BLTP3B: variants seen among roughly 807,000 people sequenced by gnomAD.
BLTP3B encodes the protein bridge-like lipid transfer protein family member 3B.
At chr12:100,081,786 T>TGTACCACAGTGGTACACAGTG in the BLTP3B span, among the ~76,000 whole-genome samples, 2 of 152,232 alleles carry the variant, frequency 1.3e-5, no homozygotes, top group Non-Finnish European at 2.9e-5. Flanking sequence ...GCGGTGTATA[T>TGTACCACAGTGGTACACAGTG]GTACCACAGT....
the BLTP3B span, among the ~76,000 whole-genome samples, chr12:100,046,549 G>A: frequency 1.3e-5 from 2 of 150,830 alleles, no homozygotes; most frequent in Non-Finnish European, 3.0e-5. Context: ...CCACAGTGAG[G>A]GGAACATCAT....
At chr12:100,046,758 A>T in the BLTP3B span, among the ~76,000 whole-genome samples, 11,127 of 152,204 alleles carry the variant, frequency 0.073, 438 homozygotes, top group South Asian at 0.091. Flanking sequence ...CACTATAAAG[A>T]AGACAGTTGA....
At chr12:100,059,616 TTC>T in the BLTP3B span, 1 of 1,415,400 alleles carries the variant, frequency 7.1e-7, no homozygotes, top group East Asian at 2.4e-5. Flanking sequence ...AGCTCAGAAA[TTC>T]TTTTTCTTGA....
chr12:100,086,332 C>T, the BLTP3B span: 24 of 1,585,744 alleles, frequency 1.5e-5, no homozygotes, highest in Non-Finnish European at 2.1e-5. Flanking sequence ...AGTTGCATTG[C>T]CCCTCCAGTA....
At chr12:100,079,583 T>A in the BLTP3B span, among the ~76,000 whole-genome samples, 1 of 152,194 alleles carries the variant, frequency 6.6e-6, no homozygotes, top group South Asian at 2.1e-4. Flanking sequence ...AAGGAGAGTA[T>A]AAAAGTTCAA....
chr12:100,121,087 C>T, the BLTP3B span, among the ~76,000 whole-genome samples: 1 of 152,170 alleles, frequency 6.6e-6, no homozygotes, highest in East Asian at 1.9e-4. Context: ...GTGGCACACG[C>T]CTGTAATCCC....
the BLTP3B span, among the ~76,000 whole-genome samples, chr12:100,094,930 A>G: frequency 6.6e-6 from 1 of 152,238 alleles, no homozygotes; most frequent in African/African-American, 2.4e-5. Context: ...TCTGAGATGT[A>G]TAACACTGTT....
At chr12:100,124,392 C>T in the BLTP3B span, among the ~76,000 whole-genome samples, 1 of 151,402 alleles carries the variant, frequency 6.6e-6, no homozygotes, top group East Asian at 1.9e-4. Context: ...CTGCTTGACA[C>T]CAGGAGTTTG....
At chr12:100,086,995 C>T in the BLTP3B span, among the ~76,000 whole-genome samples, 3 of 151,838 alleles carry the variant, frequency 2.0e-5, no homozygotes, top group African/African-American at 7.3e-5. Flanking sequence ...TCCGTCTCTA[C>T]TAAAAATACA....
chr12:100,112,481 T>G, the BLTP3B span, among the ~76,000 whole-genome samples: 3 of 151,344 alleles, frequency 2.0e-5, no homozygotes, highest in African/African-American at 7.3e-5. Flanking sequence ...CACTCCAGCC[T>G]GGGTGACAGA....
the BLTP3B span, among the ~76,000 whole-genome samples, chr12:100,044,109 T>C: frequency 5.3e-5 from 8 of 152,192 alleles, no homozygotes; most frequent in African/African-American, 1.4e-4. Context: ...TTTTTTTTAA[T>C]AAGACAGACC....
the BLTP3B span, among the ~76,000 whole-genome samples, chr12:100,100,200 G>A: frequency 1.3e-5 from 2 of 151,930 alleles, no homozygotes; most frequent in East Asian, 2.0e-4. Flanking sequence ...AGCTACTCGG[G>A]AGGCTGAGCT....
chr12:100,079,841 A>T, the BLTP3B span, among the ~76,000 whole-genome samples: 1 of 152,190 alleles, frequency 6.6e-6, no homozygotes, highest in African/African-American at 2.4e-5. Flanking sequence ...TGTGCAGCCT[A>T]GGGATTTGGT....
chr12:100,039,494 G>T, the BLTP3B span: 1 of 1,212,708 alleles, frequency 8.2e-7, no homozygotes, highest in South Asian at 1.7e-5. Flanking sequence ...ACAAGCACTC[G>T]GTACATTTTA....
chr12:100,047,663 A>G, the BLTP3B span: 2 of 1,452,992 alleles, frequency 1.4e-6, no homozygotes, highest in Non-Finnish European at 1.9e-6. Context: ...AATAACATTG[A>G]CATGTTACTT....
chr12:100,122,325 A>G, the BLTP3B span, among the ~76,000 whole-genome samples: 36 of 152,206 alleles, frequency 2.4e-4, no homozygotes, highest in African/African-American at 8.2e-4. Context: ...CTCATTTTAT[A>G]GTAGAGAATA....
the BLTP3B span, chr12:100,092,645 G>T: frequency 6.5e-6 from 1 of 152,718 alleles, no homozygotes; most frequent in Non-Finnish European, 1.5e-5. Context: ...TAATATATAT[G>T]TATCTAGTTT....
At chr12:100,052,506 CAG>C in the BLTP3B span, among the ~76,000 whole-genome samples, 1 of 151,820 alleles carries the variant, frequency 6.6e-6, no homozygotes, top group Non-Finnish European at 1.5e-5. Flanking sequence ...ATAAAATAAA[CAG>C]AAAGAAAAAG....
chr12:100,117,327 T>C, the BLTP3B span, among the ~76,000 whole-genome samples: 1 of 152,284 alleles, frequency 6.6e-6, no homozygotes, highest in East Asian at 1.9e-4. Flanking sequence ...ATGTTGATAA[T>C]ATGTACCCCT....
Sources: gnomAD v4.1 joint callset for allele counts (sites outside exome capture counted in the v4.1 genomes callset) on GRCh38, gnomAD v4.1.1 for gene constraint, MANE v1.5 for transcripts, NCBI Gene and HGNC (gene_info 2026-07-23, HGNC 2026-07-21) for gene names.